The following SORCS2 variants were observed in gnomAD, a reference collection of about 807,000 sequenced individuals.
SORCS2 encodes sortilin related VPS10 domain containing receptor 2, also known as VPS10 domain-containing receptor SorCS2.
SORCS2 carries 100 observed loss-of-function variants against 141.6 expected under a neutral mutation model. That is an observed-to-expected ratio of 0.71 (90% confidence interval 0.60 to 0.83). SORCS2 has a LOEUF of 0.83. SORCS2 is among the 40% of genes least tolerant of loss of function. SORCS2 has a pLI of 0.00. For missense variants in SORCS2, 1,646 were observed against 1,560.2 expected (o/e 1.05, Z -0.93); for synonymous variants, 789 against 676.9 (o/e 1.17, Z -2.57).
chr4:7,628,181 C>G lies in SORCS2; in HGVS notation c.649-10147C>G, dbSNP rs144688096. Among the ~76,000 whole-genome samples, 368 of 152,266 alleles carry G rather than the reference C, an allele frequency of 2.4e-3. 1 individual carries two copies. Among genetic ancestry groups the G allele is most frequent in the Non-Finnish European group, 3.4e-3 (232 of 68,018 alleles). On this transcript the variant is annotated intron_variant, in intron 3 of 26. Transcript: ENST00000507866. ...GCTTAGAAGGGCTGAGACATCAGCACACAGAACAGAACAGAACACAACAGA... is the reference window on the plus strand; with the variant it reads ...GCTTAGAAGGGCTGAGACATCAGCAGACAGAACAGAACAGAACACAACAGA...
chr4:7,218,733 A>G (rs1728520073), intron 1 of SORCS2, among the ~76,000 whole-genome samples: 2 of 152,376 alleles, frequency 1.3e-5, no homozygotes, highest in South Asian at 4.1e-4. Flanking sequence ...GCAAGAAGGC[A>G]ACCCTTCAAT....
intron 1 of SORCS2, among the ~76,000 whole-genome samples, chr4:7,271,410 C>A (rs1183276283): frequency 6.6e-6 from 1 of 152,206 alleles, no homozygotes; most frequent in Non-Finnish European, 1.5e-5. Flanking sequence ...GCTAGGCGTG[C>A]TCCAGCCATG....
chr4:7,412,632 C>G (rs985761026), intron 2 of SORCS2, among the ~76,000 whole-genome samples: 2 of 152,108 alleles, frequency 1.3e-5, no homozygotes, highest in Non-Finnish European at 2.9e-5. Context: ...GGTTGGTCCT[C>G]CCAGCTCTAG....
intron 11 of SORCS2, 88 bp from the exon 12 acceptor site, chr4:7,697,110 T>C (rs1469813229): frequency 1.7e-6 from 2 of 1,157,670 alleles, no homozygotes; most frequent in Non-Finnish European, 2.5e-6. Context: ...TGGCCACCGT[T>C]GCTTGAGGTT....
At chr4:7,630,071 G>T (rs572481389) in intron 3 of SORCS2, among the ~76,000 whole-genome samples, 3 of 152,240 alleles carry the variant, frequency 2.0e-5, no homozygotes, top group Admixed American at 2.0e-4. Flanking sequence ...GCAGCCACCG[G>T]CATGTCCCCC....
At chr4:7,292,784 T>C (rs1441498931) in intron 1 of SORCS2, among the ~76,000 whole-genome samples, 1 of 152,184 alleles carries the variant, frequency 6.6e-6, no homozygotes, top group Non-Finnish European at 1.5e-5. Flanking sequence ...ATGCCCTTGA[T>C]GAAGATGCTA....
At chr4:7,421,838 T>C (rs1360098662) in intron 2 of SORCS2, among the ~76,000 whole-genome samples, 1 of 145,586 alleles carries the variant, frequency 6.9e-6, no homozygotes, top group African/African-American at 2.5e-5. Context: ...ACCTTGCAAA[T>C]GAAATCCAGT....
chr4:7,498,567 C>T (rs189493332), intron 2 of SORCS2, among the ~76,000 whole-genome samples: 8 of 152,342 alleles, frequency 5.3e-5, no homozygotes, highest in East Asian at 3.9e-4. Context: ...CCTGCCAAGG[C>T]GGCCAGGCAG....
rs541558913 is a variant in SORCS2 at position 7,452,761 on chromosome 4, C to T, written c.548+56406C>T. 2.6e-5 allele frequency among the ~76,000 whole-genome samples: 4 copies of T among 152,334 alleles called. No homozygotes were observed. In the South Asian group the frequency reaches 8.3e-4, roughly 32 times the overall value. On this transcript the variant is annotated intron_variant, in intron 2 of 26. Coordinates refer to ENST00000507866, the MANE Select transcript of SORCS2 (RefSeq NM_020777.3). ...ATTGCCGGAAAGATGAGGTGAGCAG[C>T]GTCCAGCAGAGCGTAAGAGCTTGGA...
intron 1 of SORCS2, among the ~76,000 whole-genome samples, chr4:7,250,103 G>A (rs149596086): frequency 0.015 from 2,307 of 152,276 alleles, 56 homozygotes; most frequent in African/African-American, 0.053. Context: ...TTAGCCAGGT[G>A]TGGTGGCATG....
intron 1 of SORCS2, among the ~76,000 whole-genome samples, chr4:7,368,422 C>T (rs1217020666): frequency 6.6e-6 from 1 of 152,256 alleles, no homozygotes; most frequent in Non-Finnish European, 1.5e-5. Context: ...ACATCTTCCA[C>T]CTTGACTGCC....
At chr4:7,586,397 A>G (rs893038469) in intron 3 of SORCS2, among the ~76,000 whole-genome samples, 4 of 152,190 alleles carry the variant, frequency 2.6e-5, no homozygotes, top group Non-Finnish European at 5.9e-5. Context: ...AATGTGTGCC[A>G]TAGTGGTTTG....
intron 7 of SORCS2, among the ~76,000 whole-genome samples, chr4:7,665,258 TCA>T (rs1419535663): frequency 3.3e-5 from 5 of 152,114 alleles, no homozygotes; most frequent in Non-Finnish European, 7.3e-5. Context: ...CACTCTACAC[TCA>T]GTCTGTGCCA....
At position 7,367,310 on chromosome 4, in the gene SORCS2, G is replaced by A. The variant is rs567553434; in HGVS notation, c.481-28978G>A. Among the ~76,000 whole-genome samples the A allele has an allele frequency of 2.6e-4, 39 of 152,322 alleles. No individual in the cohort carries two copies. The East Asian group carries it at 4.6e-3, about 18-fold the overall frequency. The stretch of plus-strand genomic sequence containing the variant: ...GAGAATGGTGACCCGGCAAATTCAC[G>A]TCAAACAGAGTGGGGAAGCACAGGC... On this transcript the variant is annotated intron_variant, in intron 1 of 26. Coordinates refer to ENST00000507866, the MANE Select transcript of SORCS2 (RefSeq NM_020777.3).
At chr4:7,654,942 C>T (rs906141869) in intron 5 of SORCS2, among the ~76,000 whole-genome samples, 1 of 152,158 alleles carries the variant, frequency 6.6e-6, no homozygotes, top group Non-Finnish European at 1.5e-5. Flanking sequence ...GCCCCCTGAG[C>T]ACCCCAGCCT....
intron 1 of SORCS2, among the ~76,000 whole-genome samples, chr4:7,263,505 C>T (rs11731030): frequency 0.16 from 24,231 of 152,216 alleles, 2,022 homozygotes; most frequent in African/African-American, 0.2. Context: ...CGGGCGTGTC[C>T]GACCTGATTG....
chr4:7,506,635 C>A (rs180824988), intron 2 of SORCS2, among the ~76,000 whole-genome samples: 117 of 152,312 alleles, frequency 7.7e-4, no homozygotes, highest in Middle Eastern at 3.4e-3. Context: ...CTCAGTGCTT[C>A]TTTCCCTAAA....
intron 1 of SORCS2, among the ~76,000 whole-genome samples, chr4:7,284,636 T>C (rs1232834320): frequency 6.6e-6 from 1 of 152,188 alleles, no homozygotes; most frequent in Non-Finnish European, 1.5e-5. Flanking sequence ...TCCACTCATG[T>C]TCTGAAGTCT....
At chr4:7,410,215 C>A (rs900089998) in intron 2 of SORCS2, among the ~76,000 whole-genome samples, 2 of 152,216 alleles carry the variant, frequency 1.3e-5, no homozygotes, top group Non-Finnish European at 2.9e-5. Context: ...AGCTGTCATG[C>A]TGATTAGGCT....
Sources: allele counts gnomAD v4.1 joint callset (sites outside exome capture counted in the v4.1 genomes callset), GRCh38; gene constraint gnomAD v4.1.1; transcripts MANE v1.5; gene names NCBI Gene and HGNC (gene_info 2026-07-23, HGNC 2026-07-21).